The following ABCC8 variants were observed in gnomAD, a reference collection of about 807,000 sequenced individuals.
The protein encoded by ABCC8 is ATP-binding cassette sub-family C member 8.
Under a neutral mutation model 188.0 loss-of-function variants are expected in ABCC8, and 137 were observed. The ratio of observed to expected loss-of-function variants is 0.73; its 90% CI spans 0.63 to 0.84. The LOEUF is 0.84. ABCC8 is among the 40% of genes least tolerant of loss of function. The pLI is 0.00. For missense variants in ABCC8, 1,750 were observed against 2,072.7 expected (o/e 0.84, Z 3.02); for synonymous variants, 797 against 846.5 (o/e 0.94, Z 1.01).
chr11:17,398,070 G>A (rs17846760), intron 30 of ABCC8, among the ~76,000 whole-genome samples: 1 of 152,146 alleles, frequency 6.6e-6, no homozygotes, highest in Admixed American at 6.5e-5. Flanking sequence ...CACAATGTGG[G>A]TGTCATATGA....
At chr11:17,456,552 G>C (rs1474671760) in intron 6 of ABCC8, among the ~76,000 whole-genome samples, 1 of 152,130 alleles carries the variant, frequency 6.6e-6, no homozygotes, top group Non-Finnish European at 1.5e-5. Flanking sequence ...GTTGTCCGTA[G>C]GTCCCAGCCC....
chr11:17,413,811 G>A (rs538734605), intron 19 of ABCC8, among the ~76,000 whole-genome samples: 5 of 152,212 alleles, frequency 3.3e-5, no homozygotes, highest in Non-Finnish European at 7.4e-5. Flanking sequence ...GAAAACCACT[G>A]CTGGTTGGTT....
rs1480451834 is a variant in ABCC8 at position 17,476,840 on chromosome 11, G to A, written c.-64C>T. On this transcript the variant is annotated 5_prime_UTR_variant, in exon 1 of 39. Transcript: ENST00000389817. ...TCCGCTGGCTCCGCGCGCCTGCCGC[G>A]CCTCTGTCCCTTGCAGCTCCGCCGC... The A allele has an allele frequency of 1.5e-6, 2 of 1,358,852 alleles. No homozygotes were observed. The highest frequency in any genetic ancestry group is 1.9e-6 in the Non-Finnish European group (2 of 1,057,076). The allele number at this position is 1,358,852 out of a possible 1,614,324, so 84.2% of individuals were successfully genotyped here.
chr11:17,419,977 T>A (rs1401011708), intron 16 of ABCC8, among the ~76,000 whole-genome samples: 2 of 152,134 alleles, frequency 1.3e-5, no homozygotes, highest in Admixed American at 6.6e-5. Context: ...AGCTCACAGC[T>A]GGTTAGGGGG....
chr11:17,424,389 C>T (rs974100481), intron 16 of ABCC8, among the ~76,000 whole-genome samples: 1 of 151,972 alleles, frequency 6.6e-6, no homozygotes, highest in Non-Finnish European at 1.5e-5. Flanking sequence ...CCTTGTGTTC[C>T]CTGGGCTGGG....
intron 10 of ABCC8, among the ~76,000 whole-genome samples, chr11:17,438,355 G>A (rs1279966770): frequency 1.4e-5 from 2 of 147,062 alleles, no homozygotes; most frequent in Non-Finnish European, 3.0e-5. Flanking sequence ...GGGGCATTTG[G>A]AATTGACCCT....
Position 17,396,950 on chromosome 11 carries a change from T to C in ABCC8, c.4085A>G (p.Lys1362Arg), listed in dbSNP as rs1953962264. ...AGGGGCGATGAGGGCATTGACGTGCTTCAGCACCGGCTTCAGGGAGCTGTC... is the reference window on the plus strand; with the variant it reads ...AGGGGCGATGAGGGCATTGACGTGCCTCAGCACCGGCTTCAGGGAGCTGTC... The part of the protein sequence containing the change: ...RYDSSLKPVL[K>R]HVNALIAPGQ... Residue 1362 changes from lysine (K) to arginine (R), a missense_variant, in exon 33 of 39, where the codon AAG (lysine) becomes AGG (arginine). Transcript: ENST00000389817. The C allele has an allele frequency of 6.2e-7, 1 of 1,614,102 alleles. No homozygotes were observed. The highest frequency in any genetic ancestry group is 8.5e-7 in the Non-Finnish European group (1 of 1,180,030).
At chr11:17,414,384 T>G (rs1591764280) in intron 19 of ABCC8, 128 bp downstream of exon 19, 11 of 1,311,958 alleles carry the variant, frequency 8.4e-6, no homozygotes, top group East Asian at 2.3e-5. Flanking sequence ...GAGGCTGGAG[T>G]GCAGGTAAGC....
chr11:17,444,671 C>A (rs1418447540), intron 8 of ABCC8, among the ~76,000 whole-genome samples: 1 of 152,164 alleles, frequency 6.6e-6, no homozygotes, highest in Non-Finnish European at 1.5e-5. Context: ...TGCAAAGCAA[C>A]TGTGAGAAAT....
At position 17,394,310 on chromosome 11, in the gene ABCC8, T is replaced by G. The variant is rs1446775645; in HGVS notation, c.4501A>C (p.Ile1501Leu). Residue 1501 changes from isoleucine to leucine, a missense_variant, in exon 37 of 39, where the codon ATC (isoleucine) becomes CTC (leucine). Coordinates refer to ENST00000389817, the MANE Select transcript of ABCC8 (RefSeq NM_000352.6). Reference protein sequence around the residue: ...LARAFVRKTSIFIMDEATASI... With the variant: ...LARAFVRKTSLFIMDEATASI... ...GCCGTGGCCTCGTCCATGATGAAGATGCTGGTCTTCCTCACGAAGGCCCGG... is the reference window on the plus strand; with the variant it reads ...GCCGTGGCCTCGTCCATGATGAAGAGGCTGGTCTTCCTCACGAAGGCCCGG... 6.2e-7 allele frequency: 1 copy of G among 1,614,010 alleles called. No homozygotes were observed. The highest frequency in any genetic ancestry group is 2.2e-5 in the East Asian group (1 of 44,876).
In ABCC8 at chr11:17,475,091, A is replaced by G. The variant is rs1026366875; in HGVS notation, c.149-64T>C. 4 of 1,603,388 alleles carry G rather than the reference A, an allele frequency of 2.5e-6. No individual in the cohort carries two copies. The African/African-American group carries it at 4.0e-5, about 16-fold the overall frequency. ...CTTGGAGGAGGAAGAGGGTGCATGA[A>G]CCCCAGAAAGGTGCTTGGGCATTGG... On this transcript the variant is annotated intron_variant, in intron 1 of 38. Coordinates refer to ENST00000389817, the MANE Select transcript of ABCC8 (RefSeq NM_000352.6).
In ABCC8 at chr11:17,414,724, G is replaced by A. The variant is rs4148627; in HGVS notation, c.2292-114C>T. 0.1 allele frequency: 159,782 copies of A among 1,550,462 alleles called. 9,450 individuals carry two copies. Among genetic ancestry groups the A allele is most frequent in the African/African-American group, 0.24 (18,044 of 73,808 alleles). Reference sequence around the variant, plus strand: ...GGAGGCAAGGGGATGGGGAGGTGCAGTTGGTAGAAATCTGCTTAGTGTGGC... The same window carrying A: ...GGAGGCAAGGGGATGGGGAGGTGCAATTGGTAGAAATCTGCTTAGTGTGGC... On this transcript the variant is annotated intron_variant, in intron 18 of 38. Transcript: ENST00000389817.
chr11:17,431,108 C>T, intron 11 of ABCC8, 149 bp from the exon 12 acceptor site: 2 of 1,288,100 alleles, frequency 1.6e-6, no homozygotes, highest in Non-Finnish European at 2.1e-6. Context: ...CTTCATCATC[C>T]CCACAGTCAT....
At chr11:17,450,291 TTTCTTTCTTTC>T (rs1956729566) in intron 7 of ABCC8, among the ~76,000 whole-genome samples, 1 of 138,844 alleles carries the variant, frequency 7.2e-6, no homozygotes, top group Non-Finnish European at 1.5e-5. Flanking sequence ...TCTTTCTTTC[TTTCTTTCTTTC>T]TTTCTTTCTT....
Position 17,406,732 on chromosome 11 carries a change from C to A in ABCC8, c.3219G>T (p.Leu1073=). 1 of 1,614,214 alleles carries A rather than the reference C, an allele frequency of 6.2e-7. No homozygotes were observed. The highest frequency in any genetic ancestry group is 8.5e-7 in the Non-Finnish European group (1 of 1,180,036). The change falls in exon 26 of 39, where the codon CTG becomes CTT. Residue 1073 remains leucine (L), a synonymous_variant. Transcript: ENST00000389817. Reference sequence around the variant, plus strand: ...ACGTGACGAGGCACAGCACAATGCCCAGGCTGCAGAGCACCGTGAACACCA... The same window carrying A: ...ACGTGACGAGGCACAGCACAATGCCAAGGCTGCAGAGCACCGTGAACACCA... The part of the protein sequence containing the change: ...YAMVFTVLCS[L]GIVLCLVTSV...
Position 17,427,028 on chromosome 11 carries a change from C to T in ABCC8, c.2222+21G>A. ...AAAAGGAGATTTCCCCTCCACTGGGCCCTGAGGATACATGTATTACCTGCT... is the reference window on the plus strand; with the variant it reads ...AAAAGGAGATTTCCCCTCCACTGGGTCCTGAGGATACATGTATTACCTGCT... On this transcript the variant is annotated intron_variant, in intron 16 of 38. Coordinates refer to ENST00000389817, the MANE Select transcript of ABCC8 (RefSeq NM_000352.6). The surrounding 1 kb of genome is among the most constrained non-coding windows in gnomAD (Gnocchi z 5.0). 6.2e-7 allele frequency: 1 copy of T among 1,612,696 alleles called. No homozygotes were observed. The highest frequency in any genetic ancestry group is 2.2e-5 in the East Asian group (1 of 44,768).
chr11:17,428,142 T>C (rs1393179419), intron 14 of ABCC8, 147 bp downstream of exon 14: 1 of 1,550,870 alleles, frequency 6.4e-7, no homozygotes, highest in Non-Finnish European at 8.7e-7. Flanking sequence ...CACTTGGTGG[T>C]CCCTGGTTTC....
Position 17,395,915 on chromosome 11 carries a change from G to T in ABCC8, c.4135C>A (p.Arg1379Ser), listed in dbSNP as rs137852673. The change falls in exon 34 of 39, where the codon CGC becomes AGC. Residue 1379 changes from arginine to serine, a missense_variant. Arg to Ser is a moderately radical substitution (Grantham distance 110). Transcript: ENST00000389817. ...APGQKIGICG[R>S]TGSGKSSFSL... is the part of the protein sequence containing the mutation. ...AAGGAGGACTTCCCACTGCCGGTGC[G>T]GCCGCAGATCCCGATCTGGAAAGAG... is the stretch of plus-strand genomic sequence containing the variant. The T allele has an allele frequency of 3.2e-6, 5 of 1,585,140 alleles. No homozygotes were observed. The Admixed American group carries it at 8.8e-5, about 28-fold the overall frequency.
In ABCC8 at chr11:17,466,398, C is replaced by CAAAA. The variant is rs747797902; in HGVS notation, c.413-2798_413-2795dup. Among the ~76,000 whole-genome samples, 73 of 49,828 alleles carry CAAAA rather than the reference C, an allele frequency of 1.5e-3. 1 individual carries two copies. The highest frequency in any genetic ancestry group is 4.7e-3 in the African/African-American group (67 of 14,302). 32.7% of individuals were successfully genotyped at this position (49,828 alleles called of 152,430 possible). A position where few individuals can be genotyped will look rare whatever the true frequency, so the allele number is the denominator to read the frequency against. ...TGGGCAACAGAGCAAGACTCCATCTCAAAAAAAAAAAAAAAAAAAAAGACA... is the reference window on the plus strand; with the variant it reads ...TGGGCAACAGAGCAAGACTCCATCTCAAAAAAAAAAAAAAAAAAAAAAAAAGACA... On this transcript the variant is annotated intron_variant, in intron 3 of 38. Coordinates refer to ENST00000389817, the MANE Select transcript of ABCC8 (RefSeq NM_000352.6).
Sources: gnomAD v4.1 joint callset for allele counts (sites outside exome capture counted in the v4.1 genomes callset) on GRCh38, gnomAD v4.1.1 for gene constraint, Gnocchi (gnomAD v3.1) non-coding constraint, MANE v1.5 for transcripts, NCBI Gene and HGNC (gene_info 2026-07-23, HGNC 2026-07-21) for gene names.